The following EPN2 variants were observed in gnomAD, a reference collection of about 807,000 sequenced individuals.
EPN2 encodes epsin 2.
Under a neutral mutation model 61.7 loss-of-function variants are expected in EPN2, and 34 were observed. The observed-to-expected ratio is 0.55, with a 90% CI of 0.42 to 0.73. The LOEUF is 0.73. EPN2 is among the 30% of genes least tolerant of loss of function. The pLI, the probability that EPN2 is intolerant of heterozygous loss-of-function variation, is 0.00. For missense variants in EPN2, 714 were observed against 839.2 expected (o/e 0.85, Z 1.84); for synonymous variants, 349 against 353.6 (o/e 0.99, Z 0.15).
intron 4 of EPN2, 143 bp from the exon 5 acceptor site, chr17:19,309,742 C>T: frequency 1.5e-6 from 1 of 663,770 alleles, no homozygotes; most frequent in Non-Finnish European, 2.7e-6. Context: ...TAAGCCTTTC[C>T]TTTCCTCTGC....
At chr17:19,256,146 C>A (rs182920915) in intron 1 of EPN2, among the ~76,000 whole-genome samples, 26 of 152,036 alleles carry the variant, frequency 1.7e-4, no homozygotes, top group African/African-American at 6.3e-4. Flanking sequence ...ACCATGTTAG[C>A]CAGGATGGTC....
At chr17:19,275,451 C>A (rs1345761164) in intron 1 of EPN2, among the ~76,000 whole-genome samples, 1 of 152,220 alleles carries the variant, frequency 6.6e-6, no homozygotes, top group Non-Finnish European at 1.5e-5. Context: ...TGGCTTCTTG[C>A]TTTCTTCTGT....
intron 1 of EPN2, among the ~76,000 whole-genome samples, chr17:19,244,301 A>G (rs2044920273): frequency 6.6e-6 from 1 of 152,178 alleles, no homozygotes. Context: ...TCTACTAAAA[A>G]TACAAAAATG....
chr17:19,259,381 C>G (rs2045115567), intron 1 of EPN2, among the ~76,000 whole-genome samples: 1 of 141,774 alleles, frequency 7.1e-6, no homozygotes, highest in Non-Finnish European at 1.5e-5. Context: ...GGCACGATCT[C>G]GGCTCACTGC....
In EPN2 at chr17:19,317,964, G is replaced by A. The variant is rs533154494; in HGVS notation, c.1147+4685G>A. 3.0e-3 allele frequency among the ~76,000 whole-genome samples: 462 copies of A among 152,264 alleles called. 1 individual carries two copies. The highest frequency in any genetic ancestry group is 6.8e-3 in the Middle Eastern group (2 of 294). On this transcript the variant is annotated intron_variant, in intron 7 of 10. Transcript: ENST00000314728. Reference sequence around the variant, plus strand: ...GTGTGTGACCTTCCATGACTCCCCCGCACACAGCAAAGAAGGAGGTCACAC... The same window carrying A: ...GTGTGTGACCTTCCATGACTCCCCCACACACAGCAAAGAAGGAGGTCACAC...
At chr17:19,281,909 G>A (rs949405306) in intron 1 of EPN2, 46 bp from the exon 2 acceptor site, 2 of 152,200 alleles carry the variant, frequency 1.3e-5, no homozygotes, top group Non-Finnish European at 2.9e-5. Context: ...GCCTTCTTGA[G>A]GGCAGGGACT....
intron 7 of EPN2, among the ~76,000 whole-genome samples, chr17:19,327,631 C>T (rs564962208): frequency 8.5e-5 from 13 of 152,222 alleles, no homozygotes; most frequent in Non-Finnish European, 1.8e-4. Context: ...GTGATTGCAC[C>T]ACTGCACTCC....
intron 4 of EPN2, among the ~76,000 whole-genome samples, chr17:19,300,776 CAG>C (rs1453619734): frequency 6.6e-6 from 1 of 152,178 alleles, no homozygotes; most frequent in Non-Finnish European, 1.5e-5. Flanking sequence ...AATCAGAAGC[CAG>C]CATGGTGAAT....
chr17:19,276,773 GT>G (rs80078595), intron 1 of EPN2, among the ~76,000 whole-genome samples: 284 of 119,272 alleles, frequency 2.4e-3, no homozygotes, highest in Middle Eastern at 8.8e-3. Context: ...ATGAGAATAA[GT>G]TTTTTTTTTT....
rs36161060 is a variant in EPN2, at chr17:19,326,686, CA to C, written c.1148-2005del. On this transcript the variant is annotated intron_variant, in intron 7 of 10. Transcript: ENST00000314728. ...TGGGTGACAGAGCGAGACTCCGTCTCAAAAAAAAAAAAAAAAAAAAGTGCAA... is the reference window on the plus strand; with the variant it reads ...TGGGTGACAGAGCGAGACTCCGTCTCAAAAAAAAAAAAAAAAAAAGTGCAA... Among the ~76,000 whole-genome samples, 134 of 76,840 alleles carry C rather than the reference CA, an allele frequency of 1.7e-3. 1 individual carries two copies. In the East Asian group the frequency reaches 0.043, roughly 24 times the overall value. 50.4% of individuals were successfully genotyped at this position (76,840 alleles called of 152,430 possible).
intron 4 of EPN2, among the ~76,000 whole-genome samples, chr17:19,295,366 A>ACACACACGCGCGCG (rs147719775): frequency 7.1e-6 from 1 of 140,318 alleles, no homozygotes; most frequent in Non-Finnish European, 1.5e-5. Flanking sequence ...ACACACACAC[A>ACACACACGCGCGCG]CGCGCGTGCG....
chr17:19,311,898 T>A (rs75907636), intron 5 of EPN2, among the ~76,000 whole-genome samples, 154 bp from the exon 6 acceptor site: 2,099 of 152,328 alleles, frequency 0.014, 53 homozygotes, highest in African/African-American at 0.047. Context: ...CACACACATT[T>A]GGGATTTGAA....
chr17:19,306,947 G>T (rs556269180), intron 4 of EPN2, among the ~76,000 whole-genome samples: 1 of 152,308 alleles, frequency 6.6e-6, no homozygotes, highest in South Asian at 2.1e-4. Context: ...GGGAACAGGT[G>T]GCTGGAGTGG....
intron 6 of EPN2, 124 bp from the exon 7 acceptor site, chr17:19,312,981 C>A: frequency 3.0e-6 from 3 of 984,000 alleles, no homozygotes; most frequent in Non-Finnish European, 4.5e-6. Flanking sequence ...AAGTTCTTCT[C>A]AGCCCCTCCT....
At chr17:19,299,476 T>C (rs1027422483) in intron 4 of EPN2, among the ~76,000 whole-genome samples, 1 of 152,202 alleles carries the variant, frequency 6.6e-6, no homozygotes, top group African/African-American at 2.4e-5. Flanking sequence ...GCCCCAGCAC[T>C]CTACCTAGAG....
In EPN2 at chr17:19,237,488, C is replaced by G. The variant is rs1402893600; in HGVS notation, c.-337C>G. 1 of 152,456 alleles carries G rather than the reference C, an allele frequency of 6.6e-6. No homozygotes were observed. The highest frequency in any genetic ancestry group is 1.5e-5 in the Non-Finnish European group (1 of 68,284). The allele number at this position is 152,456 out of a possible 1,614,324, so 9.4% of individuals were successfully genotyped here. ...GTCGCTCCCGCCTCTCGAGCGCTGC[C>G]GGTGGCCGCAGCGGCGCACCCACGC... On this transcript the variant is annotated 5_prime_UTR_variant, in exon 1 of 11. Coordinates refer to ENST00000314728, the MANE Select transcript of EPN2 (RefSeq NM_014964.5).
intron 7 of EPN2, among the ~76,000 whole-genome samples, chr17:19,318,549 CAAA>C (rs58660254): frequency 1.2e-4 from 3 of 24,770 alleles, no homozygotes; most frequent in Non-Finnish European, 2.1e-4. Context: ...GACTCCATCT[CAAA>C]AAAAAAAAAA....
intron 4 of EPN2, among the ~76,000 whole-genome samples, chr17:19,306,637 G>A (rs1905857386): frequency 1.3e-5 from 2 of 152,174 alleles, no homozygotes; most frequent in African/African-American, 4.8e-5. Context: ...AGAAAGCTCA[G>A]AGGACAAAGG....
intron 1 of EPN2, among the ~76,000 whole-genome samples, chr17:19,278,938 CTAGTGAGGATTTCT>C (rs1446751873): frequency 6.6e-6 from 1 of 152,180 alleles, no homozygotes; most frequent in South Asian, 2.1e-4. Flanking sequence ...TGCCCGGCCC[CTAGTGAGGATTTCT>C]TAGTGAGGAT....
Sources: gnomAD v4.1 joint callset for allele counts (sites outside exome capture counted in the v4.1 genomes callset) on GRCh38, gnomAD v4.1.1 for gene constraint, MANE v1.5 for transcripts, NCBI Gene and HGNC (gene_info 2026-07-23, HGNC 2026-07-21) for gene names.